Variants in ARID4B observed in about 807,000 individuals in gnomAD.
ARID4B encodes the protein AT-rich interactive domain-containing protein 4B.
ARID4B carries 26 observed loss-of-function variants against 147.5 expected under a neutral mutation model. The observed-to-expected ratio is 0.18, with a 90% CI of 0.13 to 0.24. ARID4B has a LOEUF of 0.24. ARID4B is among the 10% of genes least tolerant of loss of function. The probability of loss-of-function intolerance (pLI) is 1.00; values close to 1 mark genes in which losing one functional copy is unlikely to be tolerated. For synonymous variants in ARID4B, 512 were observed against 507.9 expected (o/e 1.01, Z -0.11); for missense variants, 1,179 against 1,511.5 (o/e 0.78, Z 3.65).
At chr1:235,244,813 CAGATGAATGCCCTTA>C (rs1259974756) in intron 7 of ARID4B, among the ~76,000 whole-genome samples, 1 of 152,112 alleles carries the variant, frequency 6.6e-6, no homozygotes, top group Non-Finnish European at 1.5e-5. Flanking sequence ...AAATGAAGGT[CAGATGAATGCCCTTA>C]AGATCTAGGT....
At chr1:235,231,337 A>G in intron 9 of ARID4B, 148 bp from the exon 10 acceptor site, 1 of 530,934 alleles carries the variant, frequency 1.9e-6, no homozygotes, top group Non-Finnish European at 3.3e-6. Flanking sequence ...CACACAGAGT[A>G]GCAAGTCAGA....
intron 22 of ARID4B, among the ~76,000 whole-genome samples, chr1:235,173,409 G>A (rs748314774): frequency 1.3e-5 from 2 of 151,848 alleles, no homozygotes; most frequent in African/African-American, 2.4e-5. Flanking sequence ...ATGCTAAATT[G>A]TACACATTTT....
intron 17 of ARID4B, among the ~76,000 whole-genome samples, chr1:235,207,969 GAGTTTTACAACTGA>G (rs1307952446): frequency 6.6e-6 from 1 of 152,142 alleles, no homozygotes; most frequent in Non-Finnish European, 1.5e-5. Flanking sequence ...GCTTATTTAA[GAGTTTTACAACTGA>G]AGTTTTACAG....
intron 19 of ARID4B, among the ~76,000 whole-genome samples, chr1:235,186,829 G>A (rs990271249): frequency 2.0e-5 from 3 of 151,990 alleles, no homozygotes; most frequent in African/African-American, 7.3e-5. Context: ...CTGAGCAGCT[G>A]GGATTATAGG....
chr1:235,295,040 T>C (rs1672595170), intron 2 of ARID4B, among the ~76,000 whole-genome samples: 1 of 151,680 alleles, frequency 6.6e-6, no homozygotes, highest in African/African-American at 2.4e-5. Flanking sequence ...AAATTTTATT[T>C]TCATTTAAAA....
At position 235,297,595 on chromosome 1, in the gene ARID4B, G is replaced by A. The variant is rs192622520; in HGVS notation, c.6+29319C>T. On this transcript the variant is annotated intron_variant, in intron 2 of 23. Coordinates refer to ENST00000264183, the MANE Select transcript of ARID4B (RefSeq NM_016374.6). ...GAAAGTTGATAAGAACTTTATAAAG[G>A]ATAGATCAAGCCAACATAATCTAAA... Among the ~76,000 whole-genome samples, 404 of 152,172 alleles carry A rather than the reference G, an allele frequency of 2.7e-3. 1 individual carries two copies. In the Middle Eastern group the frequency reaches 0.034, roughly 13 times the overall value.
chr1:235,215,125 G>A (rs1006275907), intron 16 of ARID4B, among the ~76,000 whole-genome samples: 1 of 151,986 alleles, frequency 6.6e-6, no homozygotes, highest in African/African-American at 2.4e-5. Context: ...GATTACAGCC[G>A]TGAGCCACCA....
Position 235,246,288 on chromosome 1 carries a change from A to T in ARID4B, c.446+132T>A, listed in dbSNP as rs1669295784. On this transcript the variant is annotated intron_variant, in intron 7 of 23. Transcript: ENST00000264183. ...AATCACCCATGCTGAGGAGTCTGAA[A>T]TTACTATTAGATCCGAAATTACTAT... 3 of 707,500 alleles carry T rather than the reference A, an allele frequency of 4.2e-6. No homozygotes were observed. In the Admixed American group the frequency reaches 7.3e-5, roughly 17 times the overall value. The allele number at this position is 707,500 out of a possible 1,614,324, so 43.8% of individuals were successfully genotyped here.
intron 1 of ARID4B, chr1:235,327,302 G>A (rs1229046050): frequency 6.4e-6 from 1 of 157,416 alleles, no homozygotes; most frequent in Non-Finnish European, 1.4e-5. Flanking sequence ...TAGGGCCTCG[G>A]CGCCCGGCCG....
intron 10 of ARID4B, 113 bp from the exon 11 acceptor site, chr1:235,229,498 T>A: frequency 2.8e-6 from 2 of 724,228 alleles, no homozygotes; most frequent in Non-Finnish European, 4.6e-6. Flanking sequence ...CACTGACATT[T>A]ATTGTTTGCT....
chr1:235,172,865 G>A (rs1415516591), intron 22 of ARID4B, 101 bp from the exon 23 acceptor site: 1 of 984,916 alleles, frequency 1.0e-6, no homozygotes, highest in Non-Finnish European at 1.4e-6. Flanking sequence ...GGTTGAGGCA[G>A]ATGAACTAAA....
At chr1:235,170,429 T>C (rs1022733016) in intron 23 of ARID4B, among the ~76,000 whole-genome samples, 4 of 152,042 alleles carry the variant, frequency 2.6e-5, no homozygotes, top group Non-Finnish European at 4.4e-5. Context: ...TATATAGATA[T>C]AGCAACACCT....
intron 17 of ARID4B, among the ~76,000 whole-genome samples, chr1:235,203,294 G>A (rs1411961463): frequency 2.6e-5 from 4 of 152,034 alleles, no homozygotes; most frequent in African/African-American, 9.7e-5. Flanking sequence ...AACATTAGTC[G>A]ACCAGATATA....
At chr1:235,187,459 T>C (rs1325511149) in intron 19 of ARID4B, among the ~76,000 whole-genome samples, 1 of 152,222 alleles carries the variant, frequency 6.6e-6, no homozygotes. Context: ...TAAAACTTGA[T>C]TGACACTACT....
intron 6 of ARID4B, among the ~76,000 whole-genome samples, chr1:235,246,764 T>A (rs1057336712): frequency 6.6e-6 from 1 of 152,142 alleles, no homozygotes; most frequent in Non-Finnish European, 1.5e-5. Context: ...TCATTACCTA[T>A]GTGAAGGTTG....
At chr1:235,212,987 A>C (rs1666805403) in intron 17 of ARID4B, among the ~76,000 whole-genome samples, 2 of 152,236 alleles carry the variant, frequency 1.3e-5, no homozygotes. Flanking sequence ...CATTTCAAAT[A>C]TACTATCAAA....
In ARID4B at chr1:235,182,247, G is replaced by C. The variant is rs1168794280; in HGVS notation, c.2672C>G (p.Thr891Arg). Residue 891 changes from threonine (T) to arginine (R), a missense_variant, in exon 20 of 24, where the codon ACA (threonine) becomes AGA (arginine). Around this residue, in one of 10 missense-constraint regions of ARID4B, gnomAD observed 321 missense variants for 342.4 expected, o/e 0.94. Transcript: ENST00000264183. ...GLEEKRKSLR[T>R]TGFYSGFSEV... The stretch of plus-strand genomic sequence containing the variant: ...TGAAAATCCTGAATAGAAACCAGTT[G>C]TCCGTAGAGATTTTCTTTTTTCCTC... 2 of 1,612,800 alleles carry C rather than the reference G, an allele frequency of 1.2e-6. No homozygotes were observed. Among genetic ancestry groups the C allele is most frequent in the African/African-American group, 2.7e-5 (2 of 74,730 alleles).
intron 6 of ARID4B, among the ~76,000 whole-genome samples, chr1:235,250,181 T>A (rs919486617): frequency 6.6e-6 from 1 of 152,210 alleles, no homozygotes; most frequent in Non-Finnish European, 1.5e-5. Context: ...TCTCTTTCCA[T>A]GAAAATCCTG....
At chr1:235,241,867 G>GAAT (rs780718109) in intron 7 of ARID4B, among the ~76,000 whole-genome samples, 3 of 152,014 alleles carry the variant, frequency 2.0e-5, no homozygotes, top group Non-Finnish European at 2.9e-5. Context: ...GTGACATGGG[G>GAAT]AATACCACCC....
Sources: allele counts gnomAD v4.1 joint callset (sites outside exome capture counted in the v4.1 genomes callset), GRCh38; gene constraint gnomAD v4.1.1; regional missense constraint gnomAD v4.1.1; transcripts MANE v1.5; gene names NCBI Gene and HGNC (gene_info 2026-07-23, HGNC 2026-07-21).